The following TSPAN5 variants were observed in gnomAD, a reference collection of about 807,000 sequenced individuals.
TSPAN5 encodes the protein tetraspanin-5.
A neutral mutation model predicts 37.1 loss-of-function variants in TSPAN5; 10 were observed. The observed-to-expected ratio is 0.27, with a 90% CI of 0.17 to 0.46. TSPAN5 has a LOEUF of 0.46. Ranked by LOEUF, TSPAN5 falls within the 20% of genes least tolerant of loss-of-function variation. The pLI is 1.00. For missense variants in TSPAN5, 195 were observed against 326.6 expected (o/e 0.60, Z 3.11); for synonymous variants, 110 against 118.9 (o/e 0.93, Z 0.48).
At chr4:98,556,653 C>G (rs1184678600) in intron 1 of TSPAN5, among the ~76,000 whole-genome samples, 1 of 152,106 alleles carries the variant, frequency 6.6e-6, no homozygotes, top group Non-Finnish European at 1.5e-5. Flanking sequence ...CTAATACTCA[C>G]CAAAAGAGAT....
chr4:98,487,082 AAGAGAAAGAG>A (rs1194591212), intron 2 of TSPAN5, among the ~76,000 whole-genome samples, 198 bp from the exon 3 acceptor site: 1 of 149,160 alleles, frequency 6.7e-6, no homozygotes, highest in East Asian at 2.0e-4. Context: ...GTGAGAAAGA[AAGAGAAAGAG>A]AGAGAAAGAG....
intron 1 of TSPAN5, among the ~76,000 whole-genome samples, chr4:98,520,810 A>T (rs905489497): frequency 1.3e-5 from 2 of 152,184 alleles, no homozygotes; most frequent in South Asian, 4.1e-4. Context: ...TGGCTGTGTC[A>T]TCTGGTACCT....
chr4:98,636,154 A>G (rs1463377568), intron 1 of TSPAN5, among the ~76,000 whole-genome samples: 2 of 152,262 alleles, frequency 1.3e-5, no homozygotes. Flanking sequence ...GCAAAGCTAC[A>G]GAGTCAAGAA....
At chr4:98,636,935 T>C (rs1450055145) in intron 1 of TSPAN5, among the ~76,000 whole-genome samples, 1 of 151,890 alleles carries the variant, frequency 6.6e-6, no homozygotes, top group East Asian at 1.9e-4. Flanking sequence ...AGCTGGAGAG[T>C]GGACCCTGGT....
intron 7 of TSPAN5, 71 bp from the exon 8 acceptor site, chr4:98,472,658 T>G: frequency 7.6e-7 from 1 of 1,322,242 alleles, no homozygotes; most frequent in Non-Finnish European, 1.1e-6. Flanking sequence ...TGTGTCCCAT[T>G]TTTTTAAATC....
intron 1 of TSPAN5, among the ~76,000 whole-genome samples, chr4:98,542,091 C>A (rs1754371866): frequency 6.6e-6 from 1 of 152,182 alleles, no homozygotes; most frequent in African/African-American, 2.4e-5. Flanking sequence ...CTGTACATAA[C>A]TTCCCTCATC....
intron 1 of TSPAN5, among the ~76,000 whole-genome samples, chr4:98,651,163 C>G (rs1360829670): frequency 6.6e-6 from 1 of 152,178 alleles, no homozygotes; most frequent in Non-Finnish European, 1.5e-5. Flanking sequence ...CAATGCCACC[C>G]TGATAGGGTA....
intron 1 of TSPAN5, among the ~76,000 whole-genome samples, chr4:98,508,601 T>A (rs1043666865): frequency 2.7e-5 from 4 of 149,700 alleles, no homozygotes; most frequent in Non-Finnish European, 5.9e-5. Flanking sequence ...CACAGTTCAC[T>A]GCAGCCTCAA....
chr4:98,523,444 T>G (rs567136506), intron 1 of TSPAN5, among the ~76,000 whole-genome samples: 10 of 150,578 alleles, frequency 6.6e-5, no homozygotes, highest in South Asian at 2.1e-4. Context: ...AAAATTATGG[T>G]TTTTTTTTGA....
rs181316852 is a variant in TSPAN5 at position 98,556,494 on chromosome 4, G to A, written c.82-48766C>T. ...AACCATAGCTTATACGTACCTGGCA[G>A]GGGAGATTATTTCAACCCTAAGAAA... On this transcript the variant is annotated intron_variant, in intron 1 of 7. Transcript: ENST00000305798. Among the ~76,000 whole-genome samples, 3 of 152,276 alleles carry A rather than the reference G, an allele frequency of 2.0e-5. No individual in the cohort carries two copies. The East Asian group carries it at 5.8e-4, about 29-fold the overall frequency.
chr4:98,604,634 C>T (rs192785118), intron 1 of TSPAN5, among the ~76,000 whole-genome samples: 109 of 152,198 alleles, frequency 7.2e-4, no homozygotes, highest in Admixed American at 1.8e-3. Context: ...TTAAGATGTA[C>T]GAACAAACTA....
chr4:98,649,297 C>T (rs1379271508), intron 1 of TSPAN5, among the ~76,000 whole-genome samples: 1 of 152,080 alleles, frequency 6.6e-6, no homozygotes, highest in East Asian at 1.9e-4. Flanking sequence ...ACATACGCCT[C>T]AAGGAGGCCT....
intron 1 of TSPAN5, among the ~76,000 whole-genome samples, chr4:98,652,271 T>G (rs1213694377): frequency 6.6e-6 from 1 of 152,184 alleles, no homozygotes; most frequent in Non-Finnish European, 1.5e-5. Flanking sequence ...GGAGTATGAT[T>G]TATTTGGAAG....
At chr4:98,527,394 C>T (rs1464087370) in intron 1 of TSPAN5, among the ~76,000 whole-genome samples, 1 of 152,120 alleles carries the variant, frequency 6.6e-6, no homozygotes, top group African/African-American at 2.4e-5. Context: ...AAATACACTC[C>T]AAATTCTAGG....
At chr4:98,526,795 C>A (rs1753973210) in intron 1 of TSPAN5, among the ~76,000 whole-genome samples, 1 of 152,078 alleles carries the variant, frequency 6.6e-6, no homozygotes, top group Non-Finnish European at 1.5e-5. Flanking sequence ...TGCTTGATAT[C>A]ACAGTTTAAT....
chr4:98,562,860 CAT>C (rs375802264), intron 1 of TSPAN5, among the ~76,000 whole-genome samples: 101 of 152,222 alleles, frequency 6.6e-4, no homozygotes, highest in South Asian at 6.2e-3. Context: ...TTCAATTTTG[CAT>C]ATGTTACACT....
chr4:98,549,806 C>T (rs1754566252), intron 1 of TSPAN5, among the ~76,000 whole-genome samples: 1 of 151,682 alleles, frequency 6.6e-6, no homozygotes, highest in African/African-American at 2.4e-5. Context: ...TGGATGCATA[C>T]TTTGGGAATT....
At chr4:98,490,688 T>C (rs1281319841) in intron 2 of TSPAN5, among the ~76,000 whole-genome samples, 1 of 152,230 alleles carries the variant, frequency 6.6e-6, no homozygotes, top group Admixed American at 6.5e-5. Flanking sequence ...ATCTTTTTTT[T>C]CCTGGGTGAA....
intron 1 of TSPAN5, among the ~76,000 whole-genome samples, chr4:98,537,298 G>A (rs1754258693): frequency 2.0e-5 from 3 of 152,116 alleles, no homozygotes; most frequent in South Asian, 4.2e-4. Flanking sequence ...ACCCTGCTTC[G>A]GCTTGCCCTC....
Sources: allele counts gnomAD v4.1 joint callset (sites outside exome capture counted in the v4.1 genomes callset), GRCh38; gene constraint gnomAD v4.1.1; transcripts MANE v1.5; gene names NCBI Gene and HGNC (gene_info 2026-07-23, HGNC 2026-07-21).